The following IQCJ variants were observed in gnomAD, a reference collection of about 807,000 sequenced individuals.
IQCJ encodes the protein IQ motif containing J.
IQCJ carries 9 observed loss-of-function variants against 11.0 expected under a neutral mutation model. That is an observed-to-expected ratio of 0.82 (90% CI 0.49 to 1.43). The LOEUF is 1.43. Among genes scored for constraint, IQCJ ranks in the 40% most tolerant of loss-of-function variants. The pLI is 0.00. For missense variants in IQCJ, 146 were observed against 133.2 expected (o/e 1.10, Z -0.47); for synonymous variants, 55 against 51.3 (o/e 1.07, Z -0.31).
chr3:159,081,945 A>C (rs921921445), intron 1 of IQCJ, among the ~76,000 whole-genome samples: 1 of 152,168 alleles, frequency 6.6e-6, no homozygotes, highest in East Asian at 1.9e-4. Context: ...GTATTCAAAC[A>C]AAACAAAAAT....
At chr3:159,159,650 A>G (rs1446534094) in intron 1 of IQCJ, among the ~76,000 whole-genome samples, 1 of 152,132 alleles carries the variant, frequency 6.6e-6, no homozygotes, top group East Asian at 1.9e-4. Context: ...GGATACTGCT[A>G]TGGTTTGTAT....
intron 1 of IQCJ, among the ~76,000 whole-genome samples, chr3:159,170,179 A>T (rs758802227): frequency 2.6e-5 from 4 of 152,228 alleles, no homozygotes; most frequent in Non-Finnish European, 5.9e-5. Flanking sequence ...TCCTAAAGCC[A>T]ATCCATGCTT....
chr3:159,125,214 C>G (rs1719611778), intron 1 of IQCJ, among the ~76,000 whole-genome samples: 1 of 152,148 alleles, frequency 6.6e-6, no homozygotes, highest in African/African-American at 2.4e-5. Flanking sequence ...CCCCAAAACA[C>G]TAATCACAAG....
intron 1 of IQCJ, among the ~76,000 whole-genome samples, chr3:159,179,822 C>T (rs114861989): frequency 6.6e-6 from 1 of 152,112 alleles, no homozygotes; most frequent in African/African-American, 2.4e-5. Flanking sequence ...AAATAACATT[C>T]AGTCAAAAAG....
intron 1 of IQCJ, among the ~76,000 whole-genome samples, chr3:159,228,390 A>G (rs992832057): frequency 6.6e-6 from 1 of 152,194 alleles, no homozygotes; most frequent in Non-Finnish European, 1.5e-5. Context: ...TTATGAAGCA[A>G]TTTAGGGCAA....
intron 1 of IQCJ, among the ~76,000 whole-genome samples, chr3:159,078,962 A>C (rs1187900568): frequency 6.6e-6 from 1 of 152,120 alleles, no homozygotes; most frequent in Non-Finnish European, 1.5e-5. Flanking sequence ...CCATGGCAAT[A>C]ATAATTATTA....
intron 1 of IQCJ, among the ~76,000 whole-genome samples, chr3:159,207,003 A>T (rs961622178): frequency 6.6e-6 from 1 of 152,178 alleles, no homozygotes; most frequent in East Asian, 1.9e-4. Flanking sequence ...CTGACTCCCT[A>T]ATCTAGGCTT....
At chr3:159,204,009 T>C (rs1282455139) in intron 1 of IQCJ, among the ~76,000 whole-genome samples, 2 of 152,082 alleles carry the variant, frequency 1.3e-5, no homozygotes, top group African/African-American at 4.8e-5. Context: ...CATGGCTCTG[T>C]GTATGAGAGA....
At chr3:159,150,648 G>A (rs1002503472) in intron 1 of IQCJ, among the ~76,000 whole-genome samples, 2 of 151,708 alleles carry the variant, frequency 1.3e-5, no homozygotes, top group Non-Finnish European at 2.9e-5. Context: ...GTAGGTTGAG[G>A]GTAAGAAACT....
intron 1 of IQCJ, among the ~76,000 whole-genome samples, chr3:159,149,502 T>A (rs1721092769): frequency 6.6e-6 from 1 of 152,106 alleles, no homozygotes; most frequent in African/African-American, 2.4e-5. Context: ...CTGAGTGGGG[T>A]TGTATTAGCA....
At chr3:159,116,963 G>A (rs1326341491) in intron 1 of IQCJ, among the ~76,000 whole-genome samples, 3 of 151,900 alleles carry the variant, frequency 2.0e-5, no homozygotes, top group African/African-American at 4.8e-5. Flanking sequence ...ATGGAGGTAG[G>A]GAGGAAAGGA....
intron 1 of IQCJ, among the ~76,000 whole-genome samples, chr3:159,180,501 C>T (rs1169063753): frequency 6.6e-6 from 1 of 150,442 alleles, no homozygotes; most frequent in Non-Finnish European, 1.5e-5. Flanking sequence ...TATGTTTAAA[C>T]ATTGTATATA....
intron 1 of IQCJ, among the ~76,000 whole-genome samples, chr3:159,179,612 G>A (rs1382898561): frequency 1.3e-5 from 2 of 152,160 alleles, no homozygotes; most frequent in Non-Finnish European, 2.9e-5. Flanking sequence ...TATCATAGAT[G>A]TGGGGAAAAA....
At chr3:159,094,410 GT>G (rs1322089419) in intron 1 of IQCJ, among the ~76,000 whole-genome samples, 1 of 102,644 alleles carries the variant, frequency 9.7e-6, no homozygotes, top group East Asian at 3.1e-4. Flanking sequence ...GCAGTTTTTT[GT>G]ACAGGATCTG....
intron 1 of IQCJ, among the ~76,000 whole-genome samples, chr3:159,196,863 A>G (rs1322282583): frequency 1.3e-5 from 2 of 152,202 alleles, no homozygotes; most frequent in East Asian, 3.9e-4. Context: ...GTGACTGACC[A>G]TTAAACAATA....
chr3:159,233,311 G>A (rs9834328), intron 1 of IQCJ, among the ~76,000 whole-genome samples: 39,369 of 152,022 alleles, frequency 0.26, 5,379 homozygotes, highest in Middle Eastern at 0.34. Context: ...GTCAAGAAAG[G>A]TTCCAAGGAG....
intron 1 of IQCJ, among the ~76,000 whole-genome samples, chr3:159,209,476 G>T (rs1025939072): frequency 1.3e-5 from 2 of 152,154 alleles, no homozygotes; most frequent in African/African-American, 4.8e-5. Context: ...AGCTGGAGGA[G>T]AAGCCAGGTA....
At chr3:159,130,810 T>A (rs1270711476) in intron 1 of IQCJ, among the ~76,000 whole-genome samples, 1 of 152,152 alleles carries the variant, frequency 6.6e-6, no homozygotes, top group East Asian at 1.9e-4. Flanking sequence ...AAAGCAGCAA[T>A]AAAGCATAAT....
chr3:159,150,315 G>T (rs1051032263), intron 1 of IQCJ, among the ~76,000 whole-genome samples: 1 of 152,168 alleles, frequency 6.6e-6, no homozygotes, highest in Non-Finnish European at 1.5e-5. Context: ...CTGCAGGGGA[G>T]CTCTGGGTGA....
Sources: allele counts gnomAD v4.1 joint callset (sites outside exome capture counted in the v4.1 genomes callset), GRCh38; gene constraint gnomAD v4.1.1; transcripts MANE v1.5; gene names NCBI Gene and HGNC (gene_info 2026-07-23, HGNC 2026-07-21).